Variants in STK32B observed in about 807,000 individuals in gnomAD.
The protein encoded by STK32B is serine/threonine kinase 32B.
Under a neutral mutation model 52.6 loss-of-function variants are expected in STK32B, and 43 were observed. That is an observed-to-expected ratio of 0.82 (90% CI 0.64 to 1.05). STK32B has a LOEUF of 1.05. Ranked by LOEUF, STK32B falls within the 50% of genes least tolerant of loss-of-function variation. The pLI is 0.00. For missense variants in STK32B, 621 were observed against 534.6 expected, an observed-to-expected ratio of 1.16 and a Z score of -1.59; for synonymous variants, 238 against 204.3, an observed-to-expected ratio of 1.17 and a Z score of -1.41.
the STK32B span, among the ~76,000 whole-genome samples, chr4:5,034,254 G>A: frequency 5.9e-5 from 9 of 152,156 alleles, no homozygotes; most frequent in Non-Finnish European, 1.3e-4. Context: ...TCAGTCTTTT[G>A]AAAAATGAAC....
intron 3 of STK32B, among the ~76,000 whole-genome samples, chr4:5,312,842 G>C (rs1231779395): frequency 1.3e-5 from 2 of 152,018 alleles, no homozygotes; most frequent in Non-Finnish European, 2.9e-5. Context: ...TCTAGTTCTA[G>C]ATCCCTGAGG....
In STK32B at chr4:5,349,689, C is replaced by G. The variant is rs183989540; in HGVS notation, c.434+18296C>G. 1.9e-3 allele frequency among the ~76,000 whole-genome samples: 284 copies of G among 152,120 alleles called. 1 individual carries two copies. The highest frequency in any genetic ancestry group is 6.6e-3 in the African/African-American group (273 of 41,520). On this transcript the variant is annotated intron_variant, in intron 4 of 11. Coordinates refer to ENST00000282908, the MANE Select transcript of STK32B (RefSeq NM_018401.3). ...AAAAAAAGAATTCAAAATATTGACA[C>G]TAAAGTTCAGTGAGATAAAAGAGAA...
chr4:5,414,188 G>C (rs1274066346), intron 5 of STK32B, among the ~76,000 whole-genome samples: 6 of 151,466 alleles, frequency 4.0e-5, no homozygotes, highest in African/African-American at 1.5e-4. Context: ...AAACCCTTGG[G>C]GCAGATATGT....
intron 3 of STK32B, among the ~76,000 whole-genome samples, chr4:5,245,898 GC>G (rs1482950506): frequency 6.6e-6 from 1 of 152,066 alleles, no homozygotes; most frequent in African/African-American, 2.4e-5. Context: ...TTGAATATTG[GC>G]CCCCACTCTC....
chr4:5,282,966 T>C (rs1324601588), intron 3 of STK32B, among the ~76,000 whole-genome samples: 12 of 152,144 alleles, frequency 7.9e-5, no homozygotes, highest in Admixed American at 7.2e-4. Flanking sequence ...AACTACAGTA[T>C]ACAATACATT....
rs533542512 is a variant in STK32B, at chr4:5,051,809, C to T, written c.-55C>T. On this transcript the variant is annotated 5_prime_UTR_variant, in exon 1 of 12. Coordinates refer to ENST00000282908, the MANE Select transcript of STK32B (RefSeq NM_018401.3). ...CCGCATCTCTGCGCGCGTCCCACAT[C>T]CCGCATCCGGCATCCCAGCGGCCGG... 2 of 1,560,318 alleles carry T rather than the reference C, an allele frequency of 1.3e-6. No homozygotes were observed. The highest frequency in any genetic ancestry group is 1.2e-5 in the South Asian group (1 of 84,280).
chr4:5,210,479 G>C (rs185354085), intron 3 of STK32B, among the ~76,000 whole-genome samples: 263 of 152,208 alleles, frequency 1.7e-3, no homozygotes, highest in African/African-American at 5.7e-3. Context: ...TTTCCTTGAA[G>C]ACTTTTCTTG....
intron 2 of STK32B, among the ~76,000 whole-genome samples, chr4:5,146,294 T>C (rs1384346161): frequency 6.6e-6 from 1 of 152,038 alleles, no homozygotes; most frequent in Non-Finnish European, 1.5e-5. Flanking sequence ...ACCTCAAAAC[T>C]AGGGAAACCG....
At chr4:5,464,969 G>A (rs779269648) in intron 9 of STK32B, among the ~76,000 whole-genome samples, 55 of 152,140 alleles carry the variant, frequency 3.6e-4, no homozygotes, top group Non-Finnish European at 7.2e-4. Context: ...GGACAGATGT[G>A]TGAAATCAGG....
chr4:5,164,787 A>C (rs753282165), intron 2 of STK32B, among the ~76,000 whole-genome samples: 1 of 152,158 alleles, frequency 6.6e-6, no homozygotes, highest in Non-Finnish European at 1.5e-5. Flanking sequence ...CCTGAGCTCA[A>C]ACTCTCTGTG....
At chr4:5,106,415 A>G (rs1210873539) in intron 1 of STK32B, among the ~76,000 whole-genome samples, 2 of 152,166 alleles carry the variant, frequency 1.3e-5, no homozygotes, top group Admixed American at 6.5e-5. Flanking sequence ...ATTGTCAACT[A>G]TTACCATGTT....
At chr4:5,019,622 C>T in the STK32B span, 10 of 629,648 alleles carry the variant, frequency 1.6e-5, no homozygotes, top group Admixed American at 4.3e-5. Flanking sequence ...TCCTCTCAGA[C>T]ACGAAAGCCC....
chr4:5,345,328 C>G (rs1251585690), intron 4 of STK32B: 4 of 141,736 alleles, frequency 2.8e-5, no homozygotes, highest in Admixed American at 2.8e-4. Context: ...TTTTTTTTAG[C>G]ATTTTCATGA....
chr4:5,066,581 C>A (rs1164736164), intron 1 of STK32B, among the ~76,000 whole-genome samples: 2 of 152,212 alleles, frequency 1.3e-5, no homozygotes, highest in African/African-American at 4.8e-5. Context: ...TCCCAACTCA[C>A]TGCAAGCTGT....
chr4:5,323,028 G>C (rs972760102), intron 3 of STK32B, among the ~76,000 whole-genome samples: 6 of 152,158 alleles, frequency 3.9e-5, no homozygotes, highest in Non-Finnish European at 4.4e-5. Flanking sequence ...TTGGGCAATT[G>C]AGGGTGATAA....
intron 4 of STK32B, among the ~76,000 whole-genome samples, chr4:5,392,156 C>T (rs1487261062): frequency 6.6e-6 from 1 of 152,206 alleles, no homozygotes; most frequent in African/African-American, 2.4e-5. Context: ...CAAATCAGAA[C>T]AAGCATGATG....
chr4:5,051,723 T>C lies in STK32B; in HGVS notation c.-141T>C. The C allele has an allele frequency of 8.9e-7, 1 of 1,126,166 alleles. No homozygotes were observed. The highest frequency in any genetic ancestry group is 2.7e-5 in the East Asian group (1 of 37,100). The allele number at this position is 1,126,166 out of a possible 1,614,324, so 69.8% of individuals were successfully genotyped here. A position where few individuals can be genotyped will look rare whatever the true frequency, so the allele number is the denominator to read the frequency against. ...GGACGCCGTCCCCGCCCCTGCACGG[T>C]GCTCGGCCCCCTCGGGCTCCGCGCG... On this transcript the variant is annotated 5_prime_UTR_variant, in exon 1 of 12. Coordinates refer to ENST00000282908, the MANE Select transcript of STK32B (RefSeq NM_018401.3).
At chr4:5,416,988 C>T (rs1449384717) in intron 6 of STK32B, 54 bp downstream of exon 6, 4 of 1,493,706 alleles carry the variant, frequency 2.7e-6, no homozygotes, top group Admixed American at 3.9e-5. Context: ...GCCTAAGACT[C>T]AGCATCCTTC....
intron 3 of STK32B, among the ~76,000 whole-genome samples, chr4:5,211,750 A>G (rs1036474034): frequency 2.6e-5 from 4 of 152,286 alleles, no homozygotes; most frequent in African/African-American, 7.2e-5. Context: ...CAAACAAACA[A>G]TCTTGCTTCA....
Sources: gnomAD v4.1 joint callset for allele counts (sites outside exome capture counted in the v4.1 genomes callset) on GRCh38, gnomAD v4.1.1 for gene constraint, MANE v1.5 for transcripts, NCBI Gene and HGNC (gene_info 2026-07-23, HGNC 2026-07-21) for gene names.